Variants in FAM168A observed in about 807,000 individuals in gnomAD.
FAM168A encodes family with sequence similarity 168 member A.
A neutral mutation model predicts 28.5 loss-of-function variants in FAM168A; 3 were observed. The observed-to-expected ratio is 0.11, with a 90% CI of 0.05 to 0.27. The LOEUF (loss-of-function observed/expected upper bound fraction) is 0.27, where lower values mean the gene tolerates loss of function less well. Ranked by LOEUF, FAM168A falls within the 10% of genes least tolerant of loss-of-function variation. FAM168A has a pLI of 1.00. For missense variants in FAM168A, 222 were observed against 311.5 expected (o/e 0.71, Z 2.16); for synonymous variants, 122 against 124.2 (o/e 0.98, Z 0.12).
At chr11:73,439,879 CT>C (rs761818483) in intron 2 of FAM168A, among the ~76,000 whole-genome samples, 4,802 of 96,966 alleles carry the variant, frequency 0.05, 51 homozygotes, top group African/African-American at 0.11. Context: ...TCTCAGGTCA[CT>C]TTTTTTTTTT....
At chr11:73,546,252 G>A (rs967586688) in intron 1 of FAM168A, among the ~76,000 whole-genome samples, 2 of 152,216 alleles carry the variant, frequency 1.3e-5, no homozygotes, top group African/African-American at 4.8e-5. Context: ...TACATGAAAA[G>A]AAGGGGCTAA....
intron 4 of FAM168A, among the ~76,000 whole-genome samples, chr11:73,417,807 C>T (rs1288501255): frequency 1.3e-5 from 2 of 152,146 alleles, no homozygotes; most frequent in African/African-American, 4.8e-5. Context: ...GATCCGCCCA[C>T]CTCGGCCTCC....
At chr11:73,418,599 TTCTAG>T (rs377356878) in intron 4 of FAM168A, among the ~76,000 whole-genome samples, 4 of 152,374 alleles carry the variant, frequency 2.6e-5, no homozygotes, top group African/African-American at 9.6e-5. Flanking sequence ...CAATGAATTC[TTCTAG>T]TCTACTTACT....
intron 1 of FAM168A, among the ~76,000 whole-genome samples, chr11:73,586,420 A>C (rs1944314480): frequency 6.6e-6 from 1 of 152,166 alleles, no homozygotes; most frequent in African/African-American, 2.4e-5. Flanking sequence ...ATCTCAAGAA[A>C]AATAAAAAAT....
chr11:73,552,407 G>C (rs1278878262), intron 1 of FAM168A, among the ~76,000 whole-genome samples: 1 of 152,162 alleles, frequency 6.6e-6, no homozygotes, highest in African/African-American at 2.4e-5. Context: ...ACACTTTACA[G>C]TAATTATGCA....
Position 73,468,453 on chromosome 11 carries a change from C to G in FAM168A, c.22G>C (p.Val8Leu). The G allele has an allele frequency of 6.2e-7, 1 of 1,614,006 alleles. No individual in the cohort carries two copies. Among genetic ancestry groups the G allele is most frequent in the Non-Finnish European group, 8.5e-7 (1 of 1,179,922 alleles). ...TTGCCATAAGGAGCCCCAGGCTGCACGGGGCTGTAAACAGGGTTCATTGTG... is the reference window on the plus strand; with the variant it reads ...TTGCCATAAGGAGCCCCAGGCTGCAGGGGGCTGTAAACAGGGTTCATTGTG... MNPVYSP[V>L]QPGAPYGNPK... The change falls in exon 2 of 8, where the codon GTG becomes CTG. Residue 8 changes from valine to leucine, a missense_variant. Transcript: ENST00000356467.
intron 2 of FAM168A, among the ~76,000 whole-genome samples, chr11:73,450,887 G>A (rs1867415539): frequency 6.6e-6 from 1 of 152,250 alleles, no homozygotes; most frequent in East Asian, 1.9e-4. Context: ...TACAGTGGAG[G>A]TTCTCTAATC....
chr11:73,407,447 C>T lies in FAM168A; in HGVS notation c.*18+66G>A, dbSNP rs113418337. The T allele has an allele frequency of 2.5e-3, 2,972 of 1,178,642 alleles. 47 individuals carry two copies. The African/African-American group carries it at 0.034, about 13-fold the overall frequency. The allele number at this position is 1,178,642 out of a possible 1,614,324, so 73.0% of individuals were successfully genotyped here. ...CTGACACCTGTGCTCCAGACCCAAA[C>T]CAGGGACTTTGAGGCAGTTCCTGTA... On this transcript the variant is annotated intron_variant, in intron 7 of 7. Coordinates refer to ENST00000356467, the MANE Select transcript of FAM168A (RefSeq NM_015159.3).
At chr11:73,409,737 G>A in intron 5 of FAM168A, 76 bp from the exon 6 acceptor site, 1 of 1,459,750 alleles carries the variant, frequency 6.9e-7, no homozygotes, top group African/African-American at 1.4e-5. Flanking sequence ...ACTGGCTGAA[G>A]GACACAAGGT....
At chr11:73,529,808 T>TTTTTTTTTTG (rs1943494159) in intron 1 of FAM168A, among the ~76,000 whole-genome samples, 1 of 150,466 alleles carries the variant, frequency 6.6e-6, no homozygotes, top group Non-Finnish European at 1.5e-5. Flanking sequence ...TTTTTTTTTT[T>TTTTTTTTTTG]TTTTGGAGAC....
intron 1 of FAM168A, among the ~76,000 whole-genome samples, chr11:73,484,675 T>G (rs1174855710): frequency 1.4e-5 from 2 of 141,216 alleles, no homozygotes; most frequent in African/African-American, 5.1e-5. Flanking sequence ...GATATAGATA[T>G]GTATCGCTAT....
intron 1 of FAM168A, among the ~76,000 whole-genome samples, chr11:73,547,622 C>T (rs970576212): frequency 6.6e-6 from 1 of 152,142 alleles, no homozygotes; most frequent in Non-Finnish European, 1.5e-5. Context: ...ATTATCATGC[C>T]TGTGAATAAC....
intron 3 of FAM168A, chr11:73,424,937 G>C (rs999130080): frequency 6.1e-6 from 7 of 1,152,232 alleles, no homozygotes; most frequent in Non-Finnish European, 7.2e-6. Flanking sequence ...TGGGATTTGG[G>C]GAGGAGAGGA....
chr11:73,419,093 AGCCACCGCGCCCGGCT>A (rs1300422244), intron 4 of FAM168A, among the ~76,000 whole-genome samples: 1 of 152,128 alleles, frequency 6.6e-6, no homozygotes, highest in African/African-American at 2.4e-5. Flanking sequence ...TACAGGCATG[AGCCACCGCGCCCGGCT>A]GCCACTCAGT....
chr11:73,503,408 C>G (rs1023006117), intron 1 of FAM168A, among the ~76,000 whole-genome samples: 1 of 152,036 alleles, frequency 6.6e-6, no homozygotes, highest in African/African-American at 2.4e-5. Flanking sequence ...ACAATCACTA[C>G]AAAGAGAATA....
At chr11:73,496,829 G>C (rs1299041956) in intron 1 of FAM168A, among the ~76,000 whole-genome samples, 1 of 150,650 alleles carries the variant, frequency 6.6e-6, no homozygotes, top group African/African-American at 2.5e-5. Flanking sequence ...CAAAGTGCTG[G>C]GATTACAGGC....
intron 1 of FAM168A, among the ~76,000 whole-genome samples, chr11:73,497,551 T>C (rs1370345025): frequency 6.6e-6 from 1 of 152,138 alleles, no homozygotes; most frequent in East Asian, 1.9e-4. Context: ...ATTAGCCACA[T>C]GTAGCTACTA....
Position 73,468,496 on chromosome 11 carries a change from C to T in FAM168A, c.-18-4G>A, listed in dbSNP as rs188507315. 2.3e-5 allele frequency: 37 copies of T among 1,610,488 alleles called. No individual in the cohort carries two copies. In the African/African-American group the frequency reaches 3.9e-4, roughly 17 times the overall value. On this transcript the variant is annotated splice_polypyrimidine_tract_variant and splice_region_variant and intron_variant, in intron 1 of 7. Transcript: ENST00000356467. ...TCATTGTGGAAGACTGAGGATCCTA[C>T]AGAGAAAACAAAGAAAACAGCACTG...
In FAM168A at chr11:73,474,329, A is replaced by AT. The variant is rs553374863; in HGVS notation, c.-18-5838dup. Among the ~76,000 whole-genome samples, 528 of 148,988 alleles carry AT rather than the reference A, an allele frequency of 3.5e-3. 14 individuals are homozygous for AT. The highest frequency in any genetic ancestry group is 0.029 in the East Asian group (146 of 5,078). Reference sequence around the variant, plus strand: ...TTCCTGAAAGCCTTTTAAAAAAATGATTTTTTTTTTTTAAAGATATGGGGT... The same window carrying AT: ...TTCCTGAAAGCCTTTTAAAAAAATGATTTTTTTTTTTTTAAAGATATGGGGT... On this transcript the variant is annotated intron_variant, in intron 1 of 7. Coordinates refer to ENST00000356467, the MANE Select transcript of FAM168A (RefSeq NM_015159.3).
Sources: allele counts gnomAD v4.1 joint callset (sites outside exome capture counted in the v4.1 genomes callset), GRCh38; gene constraint gnomAD v4.1.1; transcripts MANE v1.5; gene names NCBI Gene and HGNC (gene_info 2026-07-23, HGNC 2026-07-21).